Variants in ASPRV1 observed in about 807,000 individuals in gnomAD.
The protein encoded by ASPRV1 is retroviral-like aspartic protease 1.
A neutral mutation model predicts 11.0 loss-of-function variants in ASPRV1; 7 were observed. That is an observed-to-expected ratio of 0.64 (90% CI 0.36 to 1.20). ASPRV1 has a LOEUF of 1.20. Ranked by LOEUF, ASPRV1 falls within the 50% of genes most tolerant of loss-of-function variation. The pLI is 0.02. For synonymous variants in ASPRV1, 136 were observed against 138.4 expected (o/e 0.98, Z 0.12); for missense variants, 299 against 320.0 (o/e 0.93, Z 0.50).
the ASPRV1 span, among the ~76,000 whole-genome samples, chr2:70,079,922 T>C: frequency 3.3e-5 from 5 of 151,960 alleles, no homozygotes; most frequent in African/African-American, 9.7e-5. Flanking sequence ...CAACAAATAT[T>C]ACACAGTGAA....
At chr2:70,029,045 T>G in the ASPRV1 span, among the ~76,000 whole-genome samples, 1 of 152,130 alleles carries the variant, frequency 6.6e-6, no homozygotes, top group Non-Finnish European at 1.5e-5. Context: ...GGCTCTCTGT[T>G]AAAATACAAA....
the ASPRV1 span, among the ~76,000 whole-genome samples, chr2:70,052,371 TG>T: frequency 3.3e-5 from 5 of 151,986 alleles, no homozygotes; most frequent in African/African-American, 1.2e-4. Context: ...TGAAATCAAG[TG>T]AAAAAAAGAT....
At chr2:69,972,064 AC>A in the ASPRV1 span, among the ~76,000 whole-genome samples, 1 of 147,304 alleles carries the variant, frequency 6.8e-6, no homozygotes, top group Non-Finnish European at 1.5e-5. Flanking sequence ...GGTTTTCTTT[AC>A]CATTTTTTTT....
upstream of ASPRV1, chr2:69,962,503 G>A (rs1160139174): frequency 1.3e-5 from 2 of 152,256 alleles, no homozygotes; most frequent in African/African-American, 2.4e-5. Context: ...ATTCTGAGAG[G>A]GAAAATGTCC....
chr2:69,997,850 C>T, the ASPRV1 span: 1 of 152,244 alleles, frequency 6.6e-6, no homozygotes, highest in African/African-American at 2.4e-5. Flanking sequence ...CGGTTACGGC[C>T]GCCTCTTCCT....
At chr2:69,957,797 G>A (rs185622258), downstream of ASPRV1, among the ~76,000 whole-genome samples, 2 of 152,180 alleles carry the variant, frequency 1.3e-5, no homozygotes, top group Admixed American at 1.3e-4. Context: ...TGGGACCACT[G>A]GAGGAACTGA....
At chr2:70,006,162 A>T in the ASPRV1 span, among the ~76,000 whole-genome samples, 3 of 152,316 alleles carry the variant, frequency 2.0e-5, no homozygotes, top group East Asian at 3.9e-4. Flanking sequence ...ACGACTAAAA[A>T]TATCTCCAGA....
At chr2:70,080,245 T>G in the ASPRV1 span, among the ~76,000 whole-genome samples, 2 of 149,022 alleles carry the variant, frequency 1.3e-5, no homozygotes, top group African/African-American at 5.1e-5. Flanking sequence ...TTTTTTTTTT[T>G]GAGACAGTTT....
chr2:69,961,668 G>A, upstream of ASPRV1: 1 of 1,553,932 alleles, frequency 6.4e-7, no homozygotes, highest in Non-Finnish European at 8.7e-7. Flanking sequence ...TGATGCCTAG[G>A]CTGGCCCCTG....
At chr2:69,964,168 C>T, upstream of ASPRV1, 1 of 310,164 alleles carries the variant, frequency 3.2e-6, no homozygotes, top group South Asian at 2.5e-5. Flanking sequence ...TTTATAGTAA[C>T]CTCCACCCCT....
At chr2:70,021,648 C>T in the ASPRV1 span, among the ~76,000 whole-genome samples, 2 of 150,170 alleles carry the variant, frequency 1.3e-5, no homozygotes, top group Non-Finnish European at 3.0e-5. Flanking sequence ...ATCTGCTGTC[C>T]AATATAGTAC....
the ASPRV1 span, chr2:69,941,193 G>C: frequency 2.0e-5 from 3 of 152,122 alleles, no homozygotes; most frequent in African/African-American, 7.2e-5. Context: ...CCATCATAAC[G>C]CAAGTGGGAA....
the ASPRV1 span, among the ~76,000 whole-genome samples, chr2:70,058,956 G>A: frequency 1.1e-4 from 14 of 128,476 alleles, no homozygotes; most frequent in Admixed American, 1.9e-4. Flanking sequence ...GCGCCAACCC[G>A]GCTCACTGCA....
At chr2:70,003,027 C>G in the ASPRV1 span, 1 of 152,234 alleles carries the variant, frequency 6.6e-6, no homozygotes, top group Non-Finnish European at 1.5e-5. Flanking sequence ...TGTCGATAAT[C>G]TCTGCAATCA....
At chr2:70,029,863 A>C in the ASPRV1 span, 41 of 152,032 alleles carry the variant, frequency 2.7e-4, no homozygotes, top group Admixed American at 2.4e-3. Flanking sequence ...ATGGTGGGAG[A>C]AAGGCACAGT....
the ASPRV1 span, among the ~76,000 whole-genome samples, chr2:69,951,446 AGTGTGTGTGTGTGTGTGT>A: frequency 9.3e-6 from 1 of 107,354 alleles, no homozygotes; most frequent in Non-Finnish European, 1.7e-5. Context: ...AAAAAAAGTG[AGTGTGTGTGTGTGTGTGT>A]GTGTGTGTGT....
At chr2:70,015,666 T>C in the ASPRV1 span, 2 of 152,116 alleles carry the variant, frequency 1.3e-5, no homozygotes, top group African/African-American at 4.8e-5. Context: ...AATACAATAA[T>C]AGTAGGGGAC....
chr2:69,937,410 T>C, the ASPRV1 span: 16 of 1,586,970 alleles, frequency 1.0e-5, no homozygotes, highest in South Asian at 1.7e-4. Flanking sequence ...CCTCTCTCAC[T>C]CTCCTCCCTG....
the ASPRV1 span, among the ~76,000 whole-genome samples, chr2:69,974,649 C>T: frequency 2.0e-5 from 3 of 152,216 alleles, no homozygotes; most frequent in Non-Finnish European, 4.4e-5. Context: ...AAACTGAACT[C>T]ATTTTCTTTC....
Sources: gnomAD v4.1 joint callset for allele counts (sites outside exome capture counted in the v4.1 genomes callset) on GRCh38, gnomAD v4.1.1 for gene constraint, MANE v1.5 for transcripts, NCBI Gene and HGNC (gene_info 2026-07-23, HGNC 2026-07-21) for gene names.